GABRP: variants seen among roughly 807,000 people sequenced by gnomAD.
The protein encoded by GABRP is gamma-aminobutyric acid type A receptor subunit pi, also known as gamma-aminobutyric acid receptor subunit pi.
Under a neutral mutation model 47.8 loss-of-function variants are expected in GABRP, and 52 were observed. The observed-to-expected ratio is 1.09, with a 90% CI of 0.87 to 1.37. GABRP has a LOEUF of 1.37. GABRP is among the 40% of genes most tolerant of loss of function. The pLI is 0.00. For missense variants in GABRP, 525 were observed against 542.8 expected (o/e 0.97, Z 0.33); for synonymous variants, 221 against 205.8 (o/e 1.07, Z -0.63).
At position 170,810,090 on chromosome 5, in the gene GABRP, T is replaced by A. The variant is rs995815464; in HGVS notation, c.1020+335T>A. 13 of 599,890 alleles carry A rather than the reference T, an allele frequency of 2.2e-5. No individual in the cohort carries two copies. In the African/African-American group the frequency reaches 2.2e-4, roughly 10 times the overall value. 37.2% of individuals were successfully genotyped at this position (599,890 alleles called of 1,614,324 possible). ...TGATCAGCTGCTTGCAAGTTTTATA[T>A]TAATATATATTTACTATTTAATTCT... On this transcript the variant is annotated intron_variant, in intron 9 of 9. Transcript: ENST00000265294.
intron 1 of GABRP, 157 bp from the exon 2 acceptor site, chr5:170,788,417 C>T: frequency 2.0e-6 from 1 of 510,134 alleles, no homozygotes; most frequent in Non-Finnish European, 3.5e-6. Context: ...GGAGGGAACA[C>T]AGGGAGAAGG....
chr5:170,798,015 A>G (rs1765478150), intron 6 of GABRP, among the ~76,000 whole-genome samples: 1 of 152,206 alleles, frequency 6.6e-6, no homozygotes, highest in South Asian at 2.1e-4. Context: ...TTAAGTATTA[A>G]CATTCTTCTT....
At chr5:170,809,815 A>G (rs1458833428) in intron 9 of GABRP, 60 bp downstream of exon 9, 2 of 1,508,014 alleles carry the variant, frequency 1.3e-6, no homozygotes, top group East Asian at 2.3e-5. Context: ...TGATCTGTAG[A>G]CATGGGCTGG....
intron 3 of GABRP, among the ~76,000 whole-genome samples, chr5:170,789,675 C>T (rs1306561091): frequency 2.0e-5 from 3 of 152,120 alleles, no homozygotes; most frequent in Non-Finnish European, 4.4e-5. Flanking sequence ...CTGTATGTGT[C>T]CCAGCATGCT....
At position 170,791,787 on chromosome 5, in the gene GABRP, C is replaced by T. The variant is rs1032905782; in HGVS notation, c.173-2444C>T. 2.1e-4 allele frequency among the ~76,000 whole-genome samples: 32 copies of T among 152,302 alleles called. 1 individual carries two copies. The highest frequency in any genetic ancestry group is 2.1e-3 in the Admixed American group (32 of 15,306). ...CCAACCCAACTCTCAATGGTTGGCACTTGTCTCAGTCTGTTTTGTGCTTCT... is the reference window on the plus strand; with the variant it reads ...CCAACCCAACTCTCAATGGTTGGCATTTGTCTCAGTCTGTTTTGTGCTTCT... On this transcript the variant is annotated intron_variant, in intron 3 of 9. Coordinates refer to ENST00000265294, the MANE Select transcript of GABRP (RefSeq NM_014211.3).
chr5:170,792,293 ATTAGC>A (rs1192149236), intron 3 of GABRP, among the ~76,000 whole-genome samples: 1 of 151,974 alleles, frequency 6.6e-6, no homozygotes, highest in Non-Finnish European at 1.5e-5. Flanking sequence ...AAATACAAAC[ATTAGC>A]TGGGCATGGT....
intron 6 of GABRP, among the ~76,000 whole-genome samples, chr5:170,798,450 GT>G (rs1168165992): frequency 3.3e-5 from 5 of 152,138 alleles, no homozygotes; most frequent in Admixed American, 2.6e-4. Flanking sequence ...TTTCATAAGC[GT>G]TTTGTGGGAC....
At chr5:170,785,248 T>C (rs975571491) in intron 1 of GABRP, among the ~76,000 whole-genome samples, 1 of 152,220 alleles carries the variant, frequency 6.6e-6, no homozygotes, top group Non-Finnish European at 1.5e-5. Context: ...CCAGTTCAGC[T>C]TGGGGGTGCT....
chr5:170,792,647 C>A (rs1304350465), intron 3 of GABRP, among the ~76,000 whole-genome samples: 1 of 152,186 alleles, frequency 6.6e-6, no homozygotes, highest in Non-Finnish European at 1.5e-5. Flanking sequence ...ACTCCAGCAC[C>A]TTCCAGGGTG....
At chr5:170,801,886 G>T (rs529861123) in intron 6 of GABRP, among the ~76,000 whole-genome samples, 36 of 152,056 alleles carry the variant, frequency 2.4e-4, no homozygotes, top group African/African-American at 8.7e-4. Context: ...CCTAGGGAAA[G>T]TGTCACTTGG....
Position 170,809,642 on chromosome 5 carries a change from A to C in GABRP, c.907A>C (p.Ile303Leu). Reference protein sequence around the residue: ...RTSLPNTNCFIKAIDVYLGIC... With the variant: ...RTSLPNTNCFLKAIDVYLGIC... The stretch of plus-strand genomic sequence containing the variant: ...TTCTCTTCCCAACACCAACTGCTTC[A>C]TCAAGGCCATCGATGTGTACCTGGG... Residue 303 changes from isoleucine (I) to leucine (L), a missense_variant, in exon 9 of 10, where the codon ATC becomes CTC. Physicochemically the swap from Ile to Leu is conservative, Grantham distance 5. Coordinates refer to ENST00000265294, the MANE Select transcript of GABRP (RefSeq NM_014211.3). The C allele has an allele frequency of 6.2e-7, 1 of 1,614,190 alleles. No homozygotes were observed. The highest frequency in any genetic ancestry group is 1.7e-5 in the Admixed American group (1 of 60,022).
intron 6 of GABRP, among the ~76,000 whole-genome samples, chr5:170,798,588 A>G (rs958154697): frequency 1.2e-4 from 18 of 152,060 alleles, no homozygotes; most frequent in African/African-American, 4.1e-4. Context: ...GTTCCAGATG[A>G]GTTCTATGAC....
chr5:170,786,358 CAGAG>C (rs1398434685), intron 1 of GABRP, among the ~76,000 whole-genome samples: 3 of 152,156 alleles, frequency 2.0e-5, no homozygotes, highest in African/African-American at 7.2e-5. Flanking sequence ...GCTAACATAA[CAGAG>C]AGCAGAATGA....
chr5:170,797,377 A>G (rs1765458679), intron 5 of GABRP, 89 bp from the exon 6 acceptor site: 5 of 804,480 alleles, frequency 6.2e-6, no homozygotes, highest in Non-Finnish European at 1.1e-5. Flanking sequence ...AGTTCCAGTG[A>G]AAGTCTTCTT....
chr5:170,808,998 G>A (rs1025089926), intron 8 of GABRP, among the ~76,000 whole-genome samples: 17 of 151,994 alleles, frequency 1.1e-4, no homozygotes, highest in Non-Finnish European at 1.8e-4. Flanking sequence ...GTGGACTGGC[G>A]TGATCTCGGC....
chr5:170,806,233 C>T (rs1417492207), intron 7 of GABRP, among the ~76,000 whole-genome samples: 2 of 152,178 alleles, frequency 1.3e-5, no homozygotes, highest in Non-Finnish European at 2.9e-5. Flanking sequence ...CCAACAAGAG[C>T]ATGAACACTC....
chr5:170,785,919 A>G (rs565499909), intron 1 of GABRP, among the ~76,000 whole-genome samples: 22 of 152,332 alleles, frequency 1.4e-4, no homozygotes, highest in African/African-American at 4.8e-4. Context: ...TCCTTTGTCC[A>G]CCTGGCAAAT....
chr5:170,798,924 C>T (rs879496104), intron 6 of GABRP, among the ~76,000 whole-genome samples: 37 of 151,804 alleles, frequency 2.4e-4, no homozygotes, highest in Non-Finnish European at 4.1e-4. Context: ...TTAGGTATAT[C>T]TCCTAATGCT....
At chr5:170,798,345 G>A (rs1765493404) in intron 6 of GABRP, among the ~76,000 whole-genome samples, 3 of 152,180 alleles carry the variant, frequency 2.0e-5, no homozygotes, top group Admixed American at 2.0e-4. Context: ...CTGGCCTGCT[G>A]CAGAGTTTTT....
Sources: gnomAD v4.1 joint callset for allele counts (sites outside exome capture counted in the v4.1 genomes callset) on GRCh38, gnomAD v4.1.1 for gene constraint, MANE v1.5 for transcripts, NCBI Gene and HGNC (gene_info 2026-07-23, HGNC 2026-07-21) for gene names.